SP3: variants seen among roughly 807,000 people sequenced by gnomAD.
The protein encoded by SP3 is Sp3 transcription factor, also known as transcription factor Sp3.
In SP3, 10 loss-of-function variants were observed where a neutral mutation model predicts 70.3. The observed-to-expected ratio is 0.14, with a 90% CI of 0.09 to 0.24. SP3 has a LOEUF of 0.24. SP3 is among the 10% of genes least tolerant of loss of function. SP3 has a pLI of 1.00. For synonymous variants in SP3, 402 were observed against 333.5 expected, an observed-to-expected ratio of 1.21 and a Z score of -2.24; for missense variants, 825 against 914.6, an observed-to-expected ratio of 0.90 and a Z score of 1.26.
In SP3 at chr2:173,964,705, G is replaced by A. The variant is rs1289518158; in HGVS notation, c.8-152C>T. ...CCCCCCGGCGGCGGCGGCGGCGGCG[G>A]CTCCCTCCTCCCCTCCTGCTGCTGC... is the stretch of plus-strand genomic sequence containing the variant. On this transcript the variant is annotated intron_variant, in intron 1 of 6. Coordinates refer to ENST00000310015, the MANE Select transcript of SP3 (RefSeq NM_003111.5). 28 of 414,322 alleles carry A rather than the reference G, an allele frequency of 6.8e-5. 1 individual carries two copies. In the Admixed American group the frequency reaches 1.3e-3, roughly 19 times the overall value. 25.7% of individuals were successfully genotyped at this position (414,322 alleles called of 1,614,324 possible). A position where few individuals can be genotyped will look rare whatever the true frequency, so the allele number is the denominator to read the frequency against.
intron 3 of SP3, among the ~76,000 whole-genome samples, chr2:173,958,015 G>C (rs984620026): frequency 1.3e-5 from 2 of 152,010 alleles, no homozygotes; most frequent in Non-Finnish European, 2.9e-5. Flanking sequence ...GGCATTTTAA[G>C]TAAACTACAA....
chr2:173,938,752 T>C (rs1042451584), intron 4 of SP3, among the ~76,000 whole-genome samples: 1 of 152,128 alleles, frequency 6.6e-6, no homozygotes, highest in African/African-American at 2.4e-5. Flanking sequence ...GGGCTAAGTC[T>C]TGAAAGATGT....
At chr2:173,957,015 T>C (rs1420144813) in intron 3 of SP3, among the ~76,000 whole-genome samples, 1 of 152,164 alleles carries the variant, frequency 6.6e-6, no homozygotes, top group Non-Finnish European at 1.5e-5. Context: ...AATGGGAATC[T>C]CAATGGGACC....
At position 173,933,722 on chromosome 2, in the gene SP3, G is replaced by A. The variant is rs1448979089; in HGVS notation, c.1640-14937C>T. 3.5e-5 allele frequency among the ~76,000 whole-genome samples: 5 copies of A among 141,054 alleles called. No homozygotes were observed. The South Asian group carries it at 6.6e-4, about 19-fold the overall frequency. 92.5% of individuals were successfully genotyped at this position (141,054 alleles called of 152,430 possible). A position where few individuals can be genotyped will look rare whatever the true frequency, so the allele number is the denominator to read the frequency against. On this transcript the variant is annotated intron_variant, in intron 4 of 6. Transcript: ENST00000310015. ...AATCACAATTTAAAACTTTCAAACC[G>A]TTTTCAATAAATTCTACCTTTATTT... is the stretch of plus-strand genomic sequence containing the variant.
intron 4 of SP3, among the ~76,000 whole-genome samples, chr2:173,947,811 C>G (rs568271007): frequency 6.6e-6 from 1 of 152,254 alleles, no homozygotes; most frequent in African/African-American, 2.4e-5. Context: ...CTCAGTATTA[C>G]AATTTTGGGT....
In SP3 at chr2:173,904,592, C is replaced by T. The variant is rs1401708526; in HGVS notation, c.*5349G>A. Reference sequence around the variant, plus strand: ...TGAATGTCATCTTTGCTTTCTCTGCCTCCCATGTATGTTCCAGATGTGACC... The same window carrying T: ...TGAATGTCATCTTTGCTTTCTCTGCTTCCCATGTATGTTCCAGATGTGACC... On this transcript the variant is annotated 3_prime_UTR_variant, in exon 7 of 7. Coordinates refer to ENST00000310015, the MANE Select transcript of SP3 (RefSeq NM_003111.5). Among the ~76,000 whole-genome samples, 1 of 152,168 alleles carries T rather than the reference C, an allele frequency of 6.6e-6. No individual in the cohort carries two copies. Among genetic ancestry groups the T allele is most frequent in the Admixed American group, 6.5e-5 (1 of 15,272 alleles).
At chr2:173,923,012 G>A (rs748751477) in intron 4 of SP3, among the ~76,000 whole-genome samples, 1 of 152,162 alleles carries the variant, frequency 6.6e-6, no homozygotes, top group Non-Finnish European at 1.5e-5. Context: ...GTGCATGCTA[G>A]CAGTATAAAG....
intron 4 of SP3, among the ~76,000 whole-genome samples, chr2:173,921,177 G>A (rs956360181): frequency 1.3e-5 from 2 of 152,004 alleles, no homozygotes; most frequent in African/African-American, 4.8e-5. Flanking sequence ...GATTACTTAG[G>A]AACTGTTAAA....
intron 3 of SP3, 82 bp downstream of exon 3, chr2:173,963,679 G>A (rs1176650499): frequency 2.4e-6 from 1 of 416,592 alleles, no homozygotes; most frequent in African/African-American, 2.2e-5. Flanking sequence ...GGGCGCCGGG[G>A]AGGCCTTTTG....
chr2:173,956,017 C>T lies in SP3; in HGVS notation c.495G>A (p.Val165=). 1 of 1,614,154 alleles carries T rather than the reference C, an allele frequency of 6.2e-7. No homozygotes were observed. Among genetic ancestry groups the T allele is most frequent in the East Asian group, 2.2e-5 (1 of 44,882 alleles). ...GTATCACTTGATATTGAACACTGGA[C>T]ACTGTACCATTTGATGAATCTGATC... ...APGSDSSNGT[V]SSVQYQVIPQ... Residue 165 remains valine (V), a synonymous_variant, in exon 4 of 7, where the codon GTG becomes GTA. Coordinates refer to ENST00000310015, the MANE Select transcript of SP3 (RefSeq NM_003111.5).
In SP3 at chr2:173,933,671, T is replaced by A. The variant is rs867681670; in HGVS notation, c.1640-14886A>T. On this transcript the variant is annotated intron_variant, in intron 4 of 6. Transcript: ENST00000310015. ...ATATATATATATATATATATATATA[T>A]AAAAGTTATAAAGTAACATTTATAA... Among the ~76,000 whole-genome samples the A allele has an allele frequency of 1.4e-4, 19 of 139,464 alleles. No individual in the cohort carries two copies. In the East Asian group the frequency reaches 1.8e-3, roughly 13 times the overall value. 91.5% of individuals were successfully genotyped at this position (139,464 alleles called of 152,430 possible).
At chr2:173,958,916 T>C (rs1690977084) in intron 3 of SP3, among the ~76,000 whole-genome samples, 1 of 152,098 alleles carries the variant, frequency 6.6e-6, no homozygotes, top group Non-Finnish European at 1.5e-5. Flanking sequence ...AAGAAAAATA[T>C]TAAATTTTAT....
upstream of SP3, chr2:173,965,458 T>A: frequency 2.7e-6 from 1 of 375,320 alleles, no homozygotes; most frequent in Non-Finnish European, 4.8e-6. Flanking sequence ...TCCAGGCGCC[T>A]GTCCGTCGGT....
At chr2:173,928,304 C>G (rs1210379644) in intron 4 of SP3, among the ~76,000 whole-genome samples, 1 of 152,156 alleles carries the variant, frequency 6.6e-6, no homozygotes, top group South Asian at 2.1e-4. Flanking sequence ...AAGAGGGCCC[C>G]AGGCCCTCAT....
intron 4 of SP3, among the ~76,000 whole-genome samples, chr2:173,922,970 T>C (rs755822221): frequency 7.2e-5 from 11 of 152,218 alleles, no homozygotes; most frequent in Non-Finnish European, 1.0e-4. Flanking sequence ...CCTGAAGTAT[T>C]TGTAAATCAG....
At chr2:173,940,482 C>T (rs184532212) in intron 4 of SP3, among the ~76,000 whole-genome samples, 281 of 152,278 alleles carry the variant, frequency 1.8e-3, no homozygotes, top group Non-Finnish European at 2.9e-3. Context: ...GGCCTTGGCA[C>T]CCGGGGGTGC....
rs2105499679 is a variant in SP3 at position 173,955,990 on chromosome 2, T to G, written c.522A>C (p.Pro174=). Residue 174 remains proline, a synonymous_variant, in exon 4 of 7, where the codon CCA becomes CCC. Transcript: ENST00000310015. ...TVSSVQYQVI[P]QIQSADGQQV... is the part of the protein sequence containing the mutation. ...GCTGACCATCTGCTGACTGGATCTG[T>G]GGTATCACTTGATATTGAACACTGG... 1 of 1,614,212 alleles carries G rather than the reference T, an allele frequency of 6.2e-7. No individual in the cohort carries two copies. Among genetic ancestry groups the G allele is most frequent in the East Asian group, 2.2e-5 (1 of 44,890 alleles).
intron 4 of SP3, among the ~76,000 whole-genome samples, chr2:173,940,179 T>C (rs1690328431): frequency 6.6e-6 from 1 of 152,158 alleles, no homozygotes; most frequent in Non-Finnish European, 1.5e-5. Context: ...CTAGATTAGA[T>C]GTCTTAATAG....
rs1689247037 is a variant in SP3, at chr2:173,904,087, C to T, written c.*5854G>A. Among the ~76,000 whole-genome samples, 1 of 152,128 alleles carries T rather than the reference C, an allele frequency of 6.6e-6. No homozygotes were observed. Among genetic ancestry groups the T allele is most frequent in the Non-Finnish European group, 1.5e-5 (1 of 68,016 alleles). On this transcript the variant is annotated 3_prime_UTR_variant, in exon 7 of 7. Coordinates refer to ENST00000310015, the MANE Select transcript of SP3 (RefSeq NM_003111.5). ...TAAGGAGGGCACTACCTAGATCCCT[C>T]GCATGCGGGGTTCACAACGGGGTTC...
Sources: allele counts gnomAD v4.1 joint callset (sites outside exome capture counted in the v4.1 genomes callset), GRCh38; gene constraint gnomAD v4.1.1; transcripts MANE v1.5; gene names NCBI Gene and HGNC (gene_info 2026-07-23, HGNC 2026-07-21).